NTRK3: variants seen among roughly 807,000 people sequenced by gnomAD.
NTRK3 encodes the protein NT-3 growth factor receptor.
A neutral mutation model predicts 91.7 loss-of-function variants in NTRK3; 24 were observed. That is an observed-to-expected ratio of 0.26 (90% confidence interval 0.19 to 0.37). The LOEUF (loss-of-function observed/expected upper bound fraction) is 0.37. Ranked by LOEUF, NTRK3 falls within the 10% of genes least tolerant of loss-of-function variation. NTRK3 has a pLI of 1.00. For synonymous variants in NTRK3, 483 were observed against 404.0 expected (o/e 1.20, Z -2.34); for missense variants, 880 against 1,068.9 (o/e 0.82, Z 2.46).
intron 6 of NTRK3, among the ~76,000 whole-genome samples, chr15:88,139,726 C>T (rs1160278012): frequency 1.3e-5 from 2 of 152,092 alleles, no homozygotes; most frequent in East Asian, 1.9e-4. Flanking sequence ...GGGGTTAAGT[C>T]ACATGTGCAA....
rs1240397135 is a variant in NTRK3 at position 87,862,734 on chromosome 15, A to G, written c.*14201T>C. 1.7e-5 allele frequency: 4 copies of G among 229,814 alleles called. No individual in the cohort carries two copies. The East Asian group carries it at 2.5e-4, about 14-fold the overall frequency. 14.2% of individuals were successfully genotyped at this position (229,814 alleles called of 1,614,324 possible). A position where few individuals can be genotyped will look rare whatever the true frequency, so the allele number is the denominator to read the frequency against. ...CAGTACACCCTTCAGTCTGGCCTGAAGAATGCCACAAGGAGTCATTTGCAT... is the reference window on the plus strand; with the variant it reads ...CAGTACACCCTTCAGTCTGGCCTGAGGAATGCCACAAGGAGTCATTTGCAT... On this transcript the variant is annotated 3_prime_UTR_variant, in exon 19 of 19. Transcript: ENST00000394480.
At chr15:87,897,623 C>T (rs966408296) in intron 17 of NTRK3, among the ~76,000 whole-genome samples, 18 of 152,048 alleles carry the variant, frequency 1.2e-4, no homozygotes, top group African/African-American at 7.2e-5. Context: ...ATACCATATT[C>T]GTAAGTAAAC....
chr15:87,903,260 C>T (rs1393535401), intron 17 of NTRK3, among the ~76,000 whole-genome samples: 1 of 152,238 alleles, frequency 6.6e-6, no homozygotes, highest in Non-Finnish European at 1.5e-5. Context: ...ATGAATTTCT[C>T]ATGAGTCATT....
intron 10 of NTRK3, 44 bp downstream of exon 10, chr15:88,135,057 T>A: frequency 6.2e-7 from 1 of 1,609,502 alleles, no homozygotes. Flanking sequence ...CCCAAGCTTG[T>A]AGAAAGAATC....
chr15:88,047,305 G>A (rs2080311842), intron 13 of NTRK3, among the ~76,000 whole-genome samples: 2 of 152,002 alleles, frequency 1.3e-5, no homozygotes, highest in African/African-American at 4.8e-5. Flanking sequence ...CATGAGTGAT[G>A]TATATAATAT....
chr15:88,085,959 G>A (rs1200252895), intron 13 of NTRK3, among the ~76,000 whole-genome samples: 3 of 152,224 alleles, frequency 2.0e-5, no homozygotes, highest in African/African-American at 7.2e-5. Flanking sequence ...ATGTGATACA[G>A]ATGATGACAA....
chr15:87,913,396 T>G (rs1410002770), intron 17 of NTRK3, among the ~76,000 whole-genome samples: 1 of 152,076 alleles, frequency 6.6e-6, no homozygotes, highest in Non-Finnish European at 1.5e-5. Context: ...TCCAGCAGAA[T>G]CCCTGAATTG....
At chr15:88,136,025 T>C (rs760011721) in exon 9 of NTRK3, 4 of 1,614,208 alleles carry the variant, frequency 2.5e-6, no homozygotes, top group Non-Finnish European at 3.4e-6. Context: ...TGAACATTGG[T>C]CCAGTTCAGA....
intron 14 of NTRK3, among the ~76,000 whole-genome samples, chr15:87,959,565 A>G (rs2072040454): frequency 6.6e-6 from 1 of 152,220 alleles, no homozygotes. Flanking sequence ...GCTTAAGACG[A>G]CAGCCATCTA....
chr15:87,886,540 T>G (rs968713058), intron 17 of NTRK3, among the ~76,000 whole-genome samples: 1 of 151,162 alleles, frequency 6.6e-6, no homozygotes, highest in East Asian at 1.9e-4. Flanking sequence ...AAAATGTATA[T>G]GTGGATACAG....
chr15:88,088,293 T>C (rs1334653906), intron 13 of NTRK3, among the ~76,000 whole-genome samples: 1 of 152,148 alleles, frequency 6.6e-6, no homozygotes, highest in Non-Finnish European at 1.5e-5. Flanking sequence ...ATGTTTAACA[T>C]AGTAATCATA....
chr15:88,004,005 A>T (rs544178140), intron 14 of NTRK3, among the ~76,000 whole-genome samples: 1 of 152,242 alleles, frequency 6.6e-6, no homozygotes, highest in Non-Finnish European at 1.5e-5. Context: ...ATAAGAAAGA[A>T]AAGACAGGAC....
intron 14 of NTRK3, among the ~76,000 whole-genome samples, chr15:87,941,476 C>CACACATACACAT (rs2069844826): frequency 6.9e-6 from 1 of 145,476 alleles, no homozygotes. Flanking sequence ...TACACATACA[C>CACACATACACAT]ACACACACAC....
At chr15:88,083,871 T>C (rs61706542) in intron 13 of NTRK3, among the ~76,000 whole-genome samples, 4,657 of 152,068 alleles carry the variant, frequency 0.031, 226 homozygotes, top group African/African-American at 0.1. Context: ...TAGGGAAAGT[T>C]GGGGAGGGGA....
At chr15:88,117,133 A>T (rs1012799623) in intron 13 of NTRK3, among the ~76,000 whole-genome samples, 30 of 152,220 alleles carry the variant, frequency 2.0e-4, no homozygotes, top group Admixed American at 7.9e-4. Context: ...GAAGTTATAT[A>T]ATCTTATCAG....
chr15:88,003,821 T>C (rs995019018), intron 14 of NTRK3, among the ~76,000 whole-genome samples: 4 of 146,920 alleles, frequency 2.7e-5, no homozygotes, highest in African/African-American at 1.0e-4. Flanking sequence ...TTATGATATA[T>C]TTGGATTTTT....
chr15:88,041,089 G>C (rs1008789752), intron 13 of NTRK3, among the ~76,000 whole-genome samples: 3 of 152,160 alleles, frequency 2.0e-5, no homozygotes, highest in African/African-American at 7.2e-5. Context: ...AAGAGTGCTT[G>C]GTGTGAATAC....
intron 14 of NTRK3, among the ~76,000 whole-genome samples, chr15:88,006,260 C>T (rs565810740): frequency 1.3e-5 from 2 of 152,310 alleles, no homozygotes; most frequent in South Asian, 2.1e-4. Flanking sequence ...CCACCCCCAC[C>T]GTAAGAGTGT....
chr15:88,024,987 C>T (rs1429769771), intron 14 of NTRK3, among the ~76,000 whole-genome samples: 1 of 152,206 alleles, frequency 6.6e-6, no homozygotes, highest in African/African-American at 2.4e-5. Context: ...ACACAGTCAT[C>T]AGTTACCGGT....
Sources: allele counts gnomAD v4.1 joint callset (sites outside exome capture counted in the v4.1 genomes callset), GRCh38; gene constraint gnomAD v4.1.1; transcripts MANE v1.5; gene names NCBI Gene and HGNC (gene_info 2026-07-23, HGNC 2026-07-21).